Variants in CEP57L1 observed in about 807,000 individuals in gnomAD.
CEP57L1 encodes centrosomal protein CEP57L1.
In CEP57L1, 37 loss-of-function variants were observed where a neutral mutation model predicts 61.0. That is an observed-to-expected ratio of 0.61 (90% CI 0.47 to 0.80). The LOEUF is 0.80. CEP57L1 is among the 30% of genes least tolerant of loss of function. CEP57L1 has a pLI of 0.00. For missense variants in CEP57L1, 422 were observed against 524.7 expected, an observed-to-expected ratio of 0.80 and a Z score of 1.91; for synonymous variants, 137 against 162.3, an observed-to-expected ratio of 0.84 and a Z score of 1.19.
At position 109,168,889 on chromosome 6, in the gene CEP57L1, C is replaced by G. The variant is rs1486415712; in HGVS notation, c.*5919C>G. ...GGGATTACAGGCGTGAGCCACCATGCCTGGCCAGCATTTTTTAAATGATAT... is the reference window on the plus strand; with the variant it reads ...GGGATTACAGGCGTGAGCCACCATGGCTGGCCAGCATTTTTTAAATGATAT... On this transcript the variant is annotated 3_prime_UTR_variant, in exon 11 of 11. Transcript: ENST00000517392. Among the ~76,000 whole-genome samples, 1 of 148,386 alleles carries G rather than the reference C, an allele frequency of 6.7e-6. No homozygotes were observed. Among genetic ancestry groups the G allele is most frequent in the Non-Finnish European group, 1.5e-5 (1 of 67,534 alleles).
At position 109,153,986 on chromosome 6, in the gene CEP57L1, T is replaced by G. The variant is rs779649947; in HGVS notation, c.579+37T>G. On this transcript the variant is annotated intron_variant, in intron 5 of 10. Coordinates refer to ENST00000517392, the MANE Select transcript of CEP57L1 (RefSeq NM_001271852.3). ...TTGAAGTGATGACAACAGGAATGAATCTTTAGTGTTAAGCATAATTGGTAT... is the reference window on the plus strand; with the variant it reads ...TTGAAGTGATGACAACAGGAATGAAGCTTTAGTGTTAAGCATAATTGGTAT... The G allele has an allele frequency of 2.8e-6, 3 of 1,059,354 alleles. No homozygotes were observed. The South Asian group carries it at 4.1e-5, about 14-fold the overall frequency. The allele number at this position is 1,059,354 out of a possible 1,614,324, so 65.6% of individuals were successfully genotyped here. A position where few individuals can be genotyped will look rare whatever the true frequency, so the allele number is the denominator to read the frequency against.
In CEP57L1 at chr6:109,131,057, A is replaced by T. The variant is rs185302861; in HGVS notation, c.-3-14162A>T. Among the ~76,000 whole-genome samples the T allele has an allele frequency of 2.1e-3, 317 of 152,278 alleles. 1 individual carries two copies. The highest frequency in any genetic ancestry group is 7.2e-3 in the African/African-American group (299 of 41,560). On this transcript the variant is annotated intron_variant, in intron 1 of 10. Transcript: ENST00000517392. ...GATGGTTACAAAATGATGATTTTTC[A>T]TATCTATCAAGGAATGTTTTTTAAG...
chr6:109,166,911 T>C lies in CEP57L1; in HGVS notation c.*3941T>C, dbSNP rs1774142116. Among the ~76,000 whole-genome samples the C allele has an allele frequency of 6.6e-6, 1 of 152,206 alleles. No homozygotes were observed. Among genetic ancestry groups the C allele is most frequent in the Admixed American group, 6.5e-5 (1 of 15,294 alleles). On this transcript the variant is annotated 3_prime_UTR_variant, in exon 11 of 11. Coordinates refer to ENST00000517392, the MANE Select transcript of CEP57L1 (RefSeq NM_001271852.3). ...CAGCTGTAACTAAAGCTTTATCTAC[T>C]GAGAACATTTAATTGTAGGTGACGT...
intron 1 of CEP57L1, among the ~76,000 whole-genome samples, chr6:109,139,248 C>T (rs1164840716): frequency 6.6e-6 from 1 of 152,134 alleles, no homozygotes; most frequent in Non-Finnish European, 1.5e-5. Context: ...GAGATTTCAT[C>T]ATCATGGTAT....
Position 109,172,070 on chromosome 6 carries a change from T to C in CEP57L1, c.*9100T>C, listed in dbSNP as rs139048353. Reference sequence around the variant, plus strand: ...TATGGTATATTATAGCAAAAGAATATATATTAAAATCAGCAGCTGAAAAAA... The same window carrying C: ...TATGGTATATTATAGCAAAAGAATACATATTAAAATCAGCAGCTGAAAAAA... On this transcript the variant is annotated 3_prime_UTR_variant, in exon 11 of 11. Transcript: ENST00000517392. Among the ~76,000 whole-genome samples the C allele has an allele frequency of 9.5e-4, 144 of 152,224 alleles. No individual in the cohort carries two copies. The South Asian group carries it at 0.014, about 14-fold the overall frequency.
chr6:109,101,979 C>T (rs1398867806), intron 1 of CEP57L1, among the ~76,000 whole-genome samples: 1 of 152,148 alleles, frequency 6.6e-6, no homozygotes, highest in Non-Finnish European at 1.5e-5. Context: ...AATGAGAGTT[C>T]CTGTTGCGCC....
At chr6:109,144,348 T>C (rs1771736402) in intron 1 of CEP57L1, among the ~76,000 whole-genome samples, 1 of 152,196 alleles carries the variant, frequency 6.6e-6, no homozygotes, top group South Asian at 2.1e-4. Flanking sequence ...AGTGTAATTC[T>C]TGGATTTCCA....
At chr6:109,117,708 T>C (rs1738713786) in intron 1 of CEP57L1, among the ~76,000 whole-genome samples, 1 of 152,240 alleles carries the variant, frequency 6.6e-6, no homozygotes, top group South Asian at 2.1e-4. Flanking sequence ...TAGGAAATTA[T>C]GCAGATTCTC....
chr6:109,145,262 A>G lies in CEP57L1; in HGVS notation c.41A>G (p.His14Arg), dbSNP rs1771835234. 1.2e-6 allele frequency: 2 copies of G among 1,602,220 alleles called. No homozygotes were observed. The highest frequency in any genetic ancestry group is 1.1e-5 in the South Asian group (1 of 90,462). ...ATGCATAGTATAGTAGGAAGCTATCATAAACCTCCAGAAAGAGTATTTGTT... is the reference window on the plus strand; with the variant it reads ...ATGCATAGTATAGTAGGAAGCTATCGTAAACCTCCAGAAAGAGTATTTGTT... ...ELMHSIVGSY[H>R]KPPERVFVPS... is the part of the protein sequence containing the mutation. The change falls in exon 2 of 11, where the codon CAT (histidine) becomes CGT (arginine). Residue 14 changes from histidine (H) to arginine (R), a missense_variant. Coordinates refer to ENST00000517392, the MANE Select transcript of CEP57L1 (RefSeq NM_001271852.3).
chr6:109,159,277 A>C lies in CEP57L1; in HGVS notation c.831A>C (p.Gln277His). 1 of 1,614,122 alleles carries C rather than the reference A, an allele frequency of 6.2e-7. No individual in the cohort carries two copies. Among genetic ancestry groups the C allele is most frequent in the South Asian group, 1.1e-5 (1 of 91,086 alleles). Residue 277 changes from glutamine to histidine, a missense_variant, in exon 9 of 11, where the codon CAA becomes CAC. By Grantham distance (24) the Gln-to-His change is conservative. Transcript: ENST00000517392. ...TGCAAAACTTTTTGCAGATGAGGCA[A>C]CATCGTGACCCACATATCCTTCAGA... The part of the protein sequence containing the change: ...ALPFVAEKMR[Q>H]HRDPHILQKP...
At position 109,136,100 on chromosome 6, in the gene CEP57L1, A is replaced by G. The variant is rs566222416; in HGVS notation, c.-3-9119A>G. The stretch of plus-strand genomic sequence containing the variant: ...AAAGGATTATAAATCATTCTGCTAC[A>G]AAGACACATGCACACGTATGTTTAT... On this transcript the variant is annotated intron_variant, in intron 1 of 10. Coordinates refer to ENST00000517392, the MANE Select transcript of CEP57L1 (RefSeq NM_001271852.3). 3.3e-5 allele frequency among the ~76,000 whole-genome samples: 5 copies of G among 152,364 alleles called. No homozygotes were observed. In the South Asian group the frequency reaches 8.3e-4, roughly 25 times the overall value.
At chr6:109,134,686 C>T (rs1774617077) in intron 1 of CEP57L1, among the ~76,000 whole-genome samples, 1 of 152,180 alleles carries the variant, frequency 6.6e-6, no homozygotes, top group African/African-American at 2.4e-5. Context: ...CCCAAAATCT[C>T]CTTAAGCTGA....
At chr6:109,120,906 ACACACG>A (rs200007691) in intron 1 of CEP57L1, among the ~76,000 whole-genome samples, 1,249 of 87,438 alleles carry the variant, frequency 0.014, 6 homozygotes, top group Middle Eastern at 0.032. Context: ...CTATACTTAG[ACACACG>A]CACACACACA....
intron 1 of CEP57L1, among the ~76,000 whole-genome samples, chr6:109,127,835 G>A (rs1419362076): frequency 6.6e-6 from 1 of 151,126 alleles, no homozygotes; most frequent in Non-Finnish European, 1.5e-5. Flanking sequence ...TCACCATGTT[G>A]GCCAGGATGG....
rs909790395 is a variant in CEP57L1, at chr6:109,170,921, A to G, written c.*7951A>G. On this transcript the variant is annotated 3_prime_UTR_variant, in exon 11 of 11. Transcript: ENST00000517392. Reference sequence around the variant, plus strand: ...TCAGTACCAGAGTTAAAAACAAGTTACTTTAAAGATATCTGCTTTTACTTT... The same window carrying G: ...TCAGTACCAGAGTTAAAAACAAGTTGCTTTAAAGATATCTGCTTTTACTTT... 5.9e-5 allele frequency among the ~76,000 whole-genome samples: 9 copies of G among 152,190 alleles called. No individual in the cohort carries two copies. Among genetic ancestry groups the G allele is most frequent in the African/African-American group, 2.2e-4 (9 of 41,456 alleles).
Position 109,128,702 on chromosome 6 carries a change from A to G in CEP57L1, c.-3-16517A>G, listed in dbSNP as rs541105567. Among the ~76,000 whole-genome samples, 4 of 152,314 alleles carry G rather than the reference A, an allele frequency of 2.6e-5. No homozygotes were observed. In the South Asian group the frequency reaches 8.3e-4, roughly 32 times the overall value. Reference sequence around the variant, plus strand: ...ATTTTTAGCCTGTTTTTTACTGCCAACATTTATTCACTATACTCCAAACAA... The same window carrying G: ...ATTTTTAGCCTGTTTTTTACTGCCAGCATTTATTCACTATACTCCAAACAA... On this transcript the variant is annotated intron_variant, in intron 1 of 10. Coordinates refer to ENST00000517392, the MANE Select transcript of CEP57L1 (RefSeq NM_001271852.3).
At chr6:109,158,974 A>G in intron 7 of CEP57L1, 51 bp from the exon 8 acceptor site, 1 of 1,554,676 alleles carries the variant, frequency 6.4e-7, no homozygotes, top group Non-Finnish European at 8.7e-7. Context: ...CATATCGTAA[A>G]TAACTTTTAA....
intron 1 of CEP57L1, among the ~76,000 whole-genome samples, chr6:109,110,498 TC>T (rs1771473411): frequency 6.6e-6 from 1 of 152,248 alleles, no homozygotes. Flanking sequence ...GATGATAGTT[TC>T]TTTTGCTATG....
chr6:109,158,719 G>A (rs1312591154), intron 7 of CEP57L1: 2 of 491,222 alleles, frequency 4.1e-6, no homozygotes, highest in East Asian at 1.1e-4. Context: ...CCAACAATAT[G>A]TGAGTGATTT....
Sources: allele counts gnomAD v4.1 joint callset (sites outside exome capture counted in the v4.1 genomes callset), GRCh38; gene constraint gnomAD v4.1.1; transcripts MANE v1.5; gene names NCBI Gene and HGNC (gene_info 2026-07-23, HGNC 2026-07-21).